RAD51B: variants seen among roughly 807,000 people sequenced by gnomAD.
RAD51B encodes the protein RAD51 paralog B, also known as DNA repair protein RAD51 homolog 2.
In RAD51B, 38 loss-of-function variants were observed where a neutral mutation model predicts 42.2. The observed-to-expected ratio is 0.90, with a 90% confidence interval of 0.70 to 1.18. The LOEUF is 1.18. Ranked by LOEUF, RAD51B falls within the 50% of genes most tolerant of loss-of-function variation. The probability of loss-of-function intolerance (pLI) is 0.00; values close to 1 mark genes in which losing one functional copy is unlikely to be tolerated. For missense variants in RAD51B, 373 were observed against 400.7 expected (o/e 0.93, Z 0.59); for synonymous variants, 154 against 145.2 (o/e 1.06, Z -0.43).
chr14:68,328,949 C>T (rs1439819174), intron 8 of RAD51B, among the ~76,000 whole-genome samples: 3 of 152,172 alleles, frequency 2.0e-5, no homozygotes, highest in African/African-American at 4.8e-5. Flanking sequence ...TCATACAACC[C>T]GTTAAATCTA....
Position 67,843,227 on chromosome 14 carries a change from G to T in RAD51B, c.315+8031G>T, listed in dbSNP as rs187406866. 3.1e-3 allele frequency among the ~76,000 whole-genome samples: 432 copies of T among 138,896 alleles called. 12 individuals are homozygous for T. In the East Asian group the frequency reaches 0.073, roughly 23 times the overall value. The allele number at this position is 138,896 out of a possible 152,430, so 91.1% of individuals were successfully genotyped here. A position where few individuals can be genotyped will look rare whatever the true frequency, so the allele number is the denominator to read the frequency against. ...GCAGGTTTGTTACATATGTATACAT[G>T]TGCCATGTTGGTGTGCTGCACCAAC... is the stretch of plus-strand genomic sequence containing the variant. On this transcript the variant is annotated intron_variant, in intron 4 of 10. Coordinates refer to ENST00000471583, the MANE Select transcript of RAD51B (RefSeq NM_133510.4).
intron 8 of RAD51B, among the ~76,000 whole-genome samples, chr14:68,323,241 C>G (rs997174442): frequency 4.6e-5 from 7 of 152,160 alleles, no homozygotes; most frequent in South Asian, 2.1e-4. Context: ...ACAGGCTGGA[C>G]AGTTAGTCGG....
chr14:68,150,377 G>A (rs990956408), intron 7 of RAD51B, among the ~76,000 whole-genome samples: 1 of 152,166 alleles, frequency 6.6e-6, no homozygotes, highest in African/African-American at 2.4e-5. Flanking sequence ...GATTGAGATT[G>A]CACCAAATTT....
chr14:67,869,433 A>G (rs1009197701), intron 5 of RAD51B, among the ~76,000 whole-genome samples: 1 of 152,206 alleles, frequency 6.6e-6, no homozygotes, highest in African/African-American at 2.4e-5. Context: ...ATATGGGACT[A>G]TGTGAAAAGA....
chr14:68,302,975 T>G (rs968698160), intron 8 of RAD51B, among the ~76,000 whole-genome samples: 1 of 152,242 alleles, frequency 6.6e-6, no homozygotes, highest in Non-Finnish European at 1.5e-5. Flanking sequence ...ATGGCCAGTT[T>G]TGGGGCCAGT....
intron 7 of RAD51B, among the ~76,000 whole-genome samples, chr14:68,246,859 C>T (rs532529020): frequency 7.9e-5 from 12 of 152,214 alleles, no homozygotes; most frequent in East Asian, 5.8e-4. Flanking sequence ...TGGCTGGGTA[C>T]GCACTTTCTT....
At chr14:68,073,813 G>A (rs1283668032) in intron 7 of RAD51B, among the ~76,000 whole-genome samples, 1 of 152,088 alleles carries the variant, frequency 6.6e-6, no homozygotes, top group East Asian at 1.9e-4. Context: ...GAAATTCTTG[G>A]TTTCAATTTA....
At chr14:68,525,132 A>G (rs1428706300) in intron 10 of RAD51B, among the ~76,000 whole-genome samples, 3 of 152,260 alleles carry the variant, frequency 2.0e-5, no homozygotes, top group Non-Finnish European at 4.4e-5. Flanking sequence ...AGAAAACTCA[A>G]TGTCAGTAAA....
intron 7 of RAD51B, among the ~76,000 whole-genome samples, chr14:68,157,826 G>C (rs975216587): frequency 3.3e-5 from 5 of 152,284 alleles, no homozygotes; most frequent in African/African-American, 1.2e-4. Flanking sequence ...AACCATAGGA[G>C]TCAGGCATTG....
intron 7 of RAD51B, among the ~76,000 whole-genome samples, chr14:68,108,523 G>T (rs1338686614): frequency 6.6e-6 from 1 of 151,956 alleles, no homozygotes. Context: ...GCTAGATGTT[G>T]TATAATTCCT....
In RAD51B at chr14:68,441,403, G is replaced by A. The variant is rs1045168047; in HGVS notation, c.958-26769G>A. On this transcript the variant is annotated intron_variant, in intron 9 of 10. Transcript: ENST00000471583. ...TAAAAAAACAAAAAATTAGCCGGGC[G>A]CGGTGGCAGGCACCTGTAGTCCCAG... Among the ~76,000 whole-genome samples, 4 of 143,146 alleles carry A rather than the reference G, an allele frequency of 2.8e-5. 1 individual carries two copies. The highest frequency in any genetic ancestry group is 7.6e-5 in the African/African-American group (3 of 39,444). 93.9% of individuals were successfully genotyped at this position (143,146 alleles called of 152,430 possible). A position where few individuals can be genotyped will look rare whatever the true frequency, so the allele number is the denominator to read the frequency against.
intron 10 of RAD51B, chr14:68,545,632 C>G (rs1387354831): frequency 2.2e-6 from 1 of 455,988 alleles, no homozygotes; most frequent in Non-Finnish European, 4.4e-6. Flanking sequence ...GAGGTAAGAA[C>G]GGGGACAGGG....
chr14:68,215,275 T>C (rs758018795), intron 7 of RAD51B, among the ~76,000 whole-genome samples: 5 of 152,170 alleles, frequency 3.3e-5, no homozygotes, highest in South Asian at 4.1e-4. Flanking sequence ...TATTTGAAGG[T>C]TGTTTTCATC....
chr14:68,631,059 C>T (rs1031768864), intron 10 of RAD51B, among the ~76,000 whole-genome samples: 5 of 152,178 alleles, frequency 3.3e-5, no homozygotes, highest in East Asian at 1.9e-4. Flanking sequence ...TCATTAGGCA[C>T]GCTGAAAGTG....
At chr14:67,968,335 C>T (rs1477813469) in intron 7 of RAD51B, among the ~76,000 whole-genome samples, 1 of 152,170 alleles carries the variant, frequency 6.6e-6, no homozygotes, top group Non-Finnish European at 1.5e-5. Context: ...CCTTCTTGTG[C>T]AAATTTCTGC....
chr14:68,636,865 A>G (rs888829714), intron 10 of RAD51B, among the ~76,000 whole-genome samples: 6 of 152,218 alleles, frequency 3.9e-5, no homozygotes, highest in Non-Finnish European at 8.8e-5. Context: ...CAAGCCCTGC[A>G]TGAGGGAAGG....
intron 7 of RAD51B, among the ~76,000 whole-genome samples, chr14:68,182,178 A>G (rs2079072243): frequency 6.6e-6 from 1 of 152,198 alleles, no homozygotes; most frequent in South Asian, 2.1e-4. Flanking sequence ...TTGTGCTTCA[A>G]TTTAGAAGTT....
chr14:68,449,288 G>A (rs561401994), intron 9 of RAD51B, among the ~76,000 whole-genome samples: 12 of 152,216 alleles, frequency 7.9e-5, no homozygotes, highest in Non-Finnish European at 1.2e-4. Context: ...TGCTAACTCC[G>A]TGCATGAATA....
At chr14:68,672,258 A>G (rs1342900915) in intron 11 of RAD51B, among the ~76,000 whole-genome samples, 1 of 152,176 alleles carries the variant, frequency 6.6e-6, no homozygotes, top group African/African-American at 2.4e-5. Flanking sequence ...TTGTTTCTCA[A>G]TCCTTACTAG....
Sources: allele counts gnomAD v4.1 joint callset (sites outside exome capture counted in the v4.1 genomes callset), GRCh38; gene constraint gnomAD v4.1.1; transcripts MANE v1.5; gene names NCBI Gene and HGNC (gene_info 2026-07-23, HGNC 2026-07-21).